The following MYH11 variants were observed in gnomAD, a reference collection of about 807,000 sequenced individuals.
MYH11 encodes myosin-11.
MYH11 carries 80 observed loss-of-function variants against 246.6 expected under a neutral mutation model. That is an observed-to-expected ratio of 0.32 (90% CI 0.27 to 0.39). The LOEUF (loss-of-function observed/expected upper bound fraction) is 0.39. MYH11 is among the 10% of genes least tolerant of loss of function. The pLI is 1.00. For synonymous variants in MYH11, 1,071 were observed against 1,015.5 expected (o/e 1.05, Z -1.04); for missense variants, 2,158 against 2,546.8 (o/e 0.85, Z 3.29).
intron 9 of MYH11, among the ~76,000 whole-genome samples, chr16:15,770,245 A>G (rs1466273485): frequency 6.6e-6 from 1 of 151,986 alleles, no homozygotes; most frequent in Non-Finnish European, 1.5e-5. Context: ...ATACAGCCTA[A>G]TTTTCCAGAC....
chr16:15,755,469 A>G (rs1567731621), intron 14 of MYH11, among the ~76,000 whole-genome samples: 1 of 152,140 alleles, frequency 6.6e-6, no homozygotes, highest in Non-Finnish European at 1.5e-5. Context: ...AACTTGTAGC[A>G]GGAAGGATTT....
chr16:15,767,653 T>C (rs915451479), intron 9 of MYH11, among the ~76,000 whole-genome samples: 1 of 152,096 alleles, frequency 6.6e-6, no homozygotes, highest in African/African-American at 2.4e-5. Context: ...AAAATCGGTC[T>C]TCGCAGATGG....
chr16:15,818,897 C>A (rs115776967), intron 3 of MYH11, among the ~76,000 whole-genome samples: 2,181 of 152,214 alleles, frequency 0.014, 54 homozygotes, highest in African/African-American at 0.05. Flanking sequence ...TTCTTTCTTT[C>A]GTGACAGGGT....
At chr16:15,728,233 A>C (rs2040855989) in intron 27 of MYH11, among the ~76,000 whole-genome samples, 1 of 152,198 alleles carries the variant, frequency 6.6e-6, no homozygotes, top group South Asian at 2.1e-4. Context: ...CATCTCAATC[A>C]ATCAATCAAT....
intron 1 of MYH11, among the ~76,000 whole-genome samples, chr16:15,846,612 G>A (rs781579681): frequency 4.9e-4 from 75 of 152,184 alleles, no homozygotes; most frequent in Admixed American, 2.2e-3. Flanking sequence ...ACTTTGAGAA[G>A]CCAAGATGGG....
At chr16:15,745,474 G>A (rs2041391468) in intron 19 of MYH11, among the ~76,000 whole-genome samples, 1 of 152,084 alleles carries the variant, frequency 6.6e-6, no homozygotes, top group Non-Finnish European at 1.5e-5. Context: ...ACATGCCCTG[G>A]ACTTAGCTGA....
At chr16:15,777,667 G>A (rs2042256245) in intron 7 of MYH11, among the ~76,000 whole-genome samples, 1 of 152,154 alleles carries the variant, frequency 6.6e-6, no homozygotes, top group Non-Finnish European at 1.5e-5. Context: ...ATCCTGGCTG[G>A]TTTGGGCAGA....
chr16:15,784,805 T>TC (rs2042431919), intron 5 of MYH11: 5 of 1,512,628 alleles, frequency 3.3e-6, no homozygotes, highest in Non-Finnish European at 4.6e-6. Flanking sequence ...ATGACTTTGA[T>TC]CCCCCCAAAC....
intron 1 of MYH11, among the ~76,000 whole-genome samples, chr16:15,853,357 G>A (rs1453805683): frequency 6.6e-6 from 1 of 151,998 alleles, no homozygotes; most frequent in Admixed American, 6.6e-5. Context: ...TCGCTATGTT[G>A]CCCACTCTGG....
At chr16:15,849,562 C>T (rs2044279162) in intron 1 of MYH11, among the ~76,000 whole-genome samples, 1 of 152,152 alleles carries the variant, frequency 6.6e-6, no homozygotes, top group Non-Finnish European at 1.5e-5. Flanking sequence ...CCACCTCAGC[C>T]TCCCAAGTAG....
chr16:15,834,885 A>G (rs570789873), intron 2 of MYH11, among the ~76,000 whole-genome samples: 4 of 150,438 alleles, frequency 2.7e-5, no homozygotes, highest in Non-Finnish European at 5.9e-5. Context: ...CCTGGGCAAT[A>G]TAGTGAGATC....
chr16:15,773,864 A>C (rs1482010377), intron 8 of MYH11, among the ~76,000 whole-genome samples: 1 of 152,166 alleles, frequency 6.6e-6, no homozygotes, highest in Non-Finnish European at 1.5e-5. Context: ...TCTGTGTCAA[A>C]CTGTATCCTA....
chr16:15,736,256 C>G (rs2041114948), intron 25 of MYH11, among the ~76,000 whole-genome samples: 2 of 152,100 alleles, frequency 1.3e-5, no homozygotes, highest in Admixed American at 1.3e-4. Context: ...CCCTAGTAAG[C>G]CAGTGAAGTT....
intron 4 of MYH11, among the ~76,000 whole-genome samples, chr16:15,789,792 AAT>A (rs1295970518): frequency 6.6e-6 from 1 of 152,210 alleles, no homozygotes; most frequent in Non-Finnish European, 1.5e-5. Flanking sequence ...AAAGGAGAGA[AAT>A]TTTTGGATGT....
At position 15,828,386 on chromosome 16, in the gene MYH11, G is replaced by C. The variant is rs546342211; in HGVS notation, c.346-4975C>G. ...TTCAATATGCTGTTCTCTCCACTTG[G>C]AACACTTTTCCCCTCATCTTCCCAC... On this transcript the variant is annotated intron_variant, in intron 2 of 40. Transcript: ENST00000300036. Among the ~76,000 whole-genome samples the C allele has an allele frequency of 2.0e-4, 30 of 152,218 alleles. No individual in the cohort carries two copies. In the East Asian group the frequency reaches 5.2e-3, roughly 26 times the overall value.
At chr16:15,743,084 A>G (rs1462859663) in intron 20 of MYH11, among the ~76,000 whole-genome samples, 2 of 151,212 alleles carry the variant, frequency 1.3e-5, no homozygotes, top group Non-Finnish European at 2.9e-5. Flanking sequence ...TAGATGAACC[A>G]TTATTGAACT....
intron 2 of MYH11, among the ~76,000 whole-genome samples, chr16:15,826,141 C>T (rs1247827069): frequency 2.0e-5 from 3 of 150,514 alleles, no homozygotes; most frequent in Non-Finnish European, 4.4e-5. Flanking sequence ...ACTGATCGTT[C>T]GTTCATTCAT....
chr16:15,723,438 G>A (rs961225475), intron 31 of MYH11, among the ~76,000 whole-genome samples: 4 of 152,196 alleles, frequency 2.6e-5, no homozygotes, highest in Non-Finnish European at 5.9e-5. Context: ...TGTGAGGCCA[G>A]GAGTTGGAGA....
intron 40 of MYH11, 106 bp downstream of exon 40, chr16:15,714,803 G>A (rs2040024421): frequency 1.5e-6 from 2 of 1,346,006 alleles, no homozygotes; most frequent in South Asian, 1.2e-5. Flanking sequence ...AGAAGGGAGT[G>A]GCGGCTGTGG....
Sources: gnomAD v4.1 joint callset for allele counts (sites outside exome capture counted in the v4.1 genomes callset) on GRCh38, gnomAD v4.1.1 for gene constraint, MANE v1.5 for transcripts, NCBI Gene and HGNC (gene_info 2026-07-23, HGNC 2026-07-21) for gene names.